Variants in LINGO1 observed in about 807,000 individuals in gnomAD.
LINGO1 encodes leucine rich repeat and Ig domain containing 1.
Under a neutral mutation model 37.3 loss-of-function variants are expected in LINGO1, and 11 were observed. The ratio of observed to expected loss-of-function variants is 0.29; its 90% CI spans 0.19 to 0.49. The LOEUF (loss-of-function observed/expected upper bound fraction) is 0.49. Among genes scored for constraint, LINGO1 ranks in the 20% least tolerant of loss-of-function variants. The pLI, the probability that LINGO1 is intolerant of heterozygous loss-of-function variation, is 0.99. For synonymous variants in LINGO1, 387 were observed against 403.0 expected (o/e 0.96, Z 0.48); for missense variants, 585 against 878.2 (o/e 0.67, Z 4.22).
chr15:77,700,054 A>G (rs1355803273), upstream of LINGO1, among the ~76,000 whole-genome samples: 1 of 152,200 alleles, frequency 6.6e-6, no homozygotes, highest in Non-Finnish European at 1.5e-5. Context: ...CACACACGTT[A>G]GCATTCTCAG....
chr15:77,641,829 A>C (rs752571858), intron 3 of LINGO1: 4 of 455,970 alleles, frequency 8.8e-6, no homozygotes, highest in South Asian at 6.2e-5. Flanking sequence ...CCTGCGACAG[A>C]GGATGTCAGA....
At chr15:77,726,153 G>A (rs1050524135) in intron 2 of LINGO1, among the ~76,000 whole-genome samples, 13 of 152,182 alleles carry the variant, frequency 8.5e-5, no homozygotes, top group African/African-American at 3.1e-4. Context: ...TTCTCCCCCA[G>A]ACCAGTGTCC....
chr15:77,658,113 C>T lies in LINGO1; in HGVS notation c.-13+18976G>A, dbSNP rs192899639. 3.5e-3 allele frequency among the ~76,000 whole-genome samples: 528 copies of T among 152,264 alleles called. 4 individuals carry two copies. Among genetic ancestry groups the T allele is most frequent in the Non-Finnish European group, 2.7e-3 (183 of 68,010 alleles). ...CCCAGAAATGGCCCTCAGGTGACGG[C>T]GGGATGTCTAGGAAGGTGAGGACTG... On this transcript the variant is annotated intron_variant, in intron 3 of 3. Transcript: ENST00000559893.
At chr15:77,727,767 A>G (rs1459830127) in intron 2 of LINGO1, among the ~76,000 whole-genome samples, 1 of 152,050 alleles carries the variant, frequency 6.6e-6, no homozygotes, top group Non-Finnish European at 1.5e-5. Context: ...AGAAAAGGAA[A>G]AAATGAGCTT....
intron 1 of LINGO1, among the ~76,000 whole-genome samples, chr15:77,618,976 A>C (rs1310845779): frequency 6.6e-6 from 1 of 152,140 alleles, no homozygotes; most frequent in Non-Finnish European, 1.5e-5. Flanking sequence ...ACTGACAGAA[A>C]AATTATGCTA....
chr15:77,813,106 G>A (rs1271005632), intron 1 of LINGO1, among the ~76,000 whole-genome samples: 4 of 152,168 alleles, frequency 2.6e-5, no homozygotes, highest in Admixed American at 6.5e-5. Flanking sequence ...AAGACAAACC[G>A]CCCCCAGGCC....
chr15:77,735,695 G>A (rs1216159106), intron 1 of LINGO1, among the ~76,000 whole-genome samples: 1 of 152,190 alleles, frequency 6.6e-6, no homozygotes, highest in African/African-American at 2.4e-5. Flanking sequence ...GGGGGTGGTG[G>A]GGCCTGAGGA....
chr15:77,817,956 C>T (rs1462551178), intron 1 of LINGO1, among the ~76,000 whole-genome samples: 1 of 152,160 alleles, frequency 6.6e-6, no homozygotes, highest in East Asian at 1.9e-4. Context: ...TAGACATTAC[C>T]ATACTCCAGA....
intron 1 of LINGO1, among the ~76,000 whole-genome samples, chr15:77,783,665 CTG>C (rs2076742995): frequency 6.6e-6 from 1 of 152,214 alleles, no homozygotes; most frequent in African/African-American, 2.4e-5. Flanking sequence ...ATAGATGAGA[CTG>C]TATCTCAAAA....
chr15:77,678,137 C>T (rs188475696), intron 2 of LINGO1, among the ~76,000 whole-genome samples: 1 of 152,340 alleles, frequency 6.6e-6, no homozygotes, highest in African/African-American at 2.4e-5. Context: ...TTTGGTTTTC[C>T]TTGTTTCAAT....
chr15:77,642,674 C>A (rs550232114), intron 3 of LINGO1, among the ~76,000 whole-genome samples: 1 of 152,214 alleles, frequency 6.6e-6, no homozygotes, highest in Non-Finnish European at 1.5e-5. Context: ...CCATACCACA[C>A]AGGGAGCAAG....
intron 2 of LINGO1, among the ~76,000 whole-genome samples, chr15:77,690,060 A>G (rs931421052): frequency 7.2e-5 from 11 of 152,296 alleles, no homozygotes; most frequent in African/African-American, 2.6e-4. Context: ...ACATCCATCT[A>G]TGACATCATC....
At chr15:77,711,890 G>GA (rs1251546034) in intron 2 of LINGO1, among the ~76,000 whole-genome samples, 1 of 151,908 alleles carries the variant, frequency 6.6e-6, no homozygotes, top group Non-Finnish European at 1.5e-5. Flanking sequence ...CTGAGGGGGG[G>GA]GCACACAGCG....
At chr15:77,697,785 G>A (rs769868182), upstream of LINGO1, among the ~76,000 whole-genome samples, 1 of 152,144 alleles carries the variant, frequency 6.6e-6, no homozygotes, top group Non-Finnish European at 1.5e-5. Context: ...AGGCTTCCGG[G>A]ATGAAAGGAT....
At chr15:77,624,033 TGTGA>T (rs1390291085) in intron 1 of LINGO1, among the ~76,000 whole-genome samples, 1 of 149,254 alleles carries the variant, frequency 6.7e-6, no homozygotes, top group East Asian at 2.0e-4. Context: ...GTGGTCACTG[TGTGA>T]GTGTGGTGTG....
At chr15:77,676,865 T>G (rs530328486) in intron 3 of LINGO1, among the ~76,000 whole-genome samples, 2 of 152,288 alleles carry the variant, frequency 1.3e-5, no homozygotes, top group South Asian at 4.1e-4. Flanking sequence ...TGAGGAAGAA[T>G]GGCTGAGGCG....
At chr15:77,742,868 A>C (rs1452559500) in intron 1 of LINGO1, among the ~76,000 whole-genome samples, 2 of 152,220 alleles carry the variant, frequency 1.3e-5, no homozygotes, top group Non-Finnish European at 2.9e-5. Context: ...AATTCTCAGC[A>C]GCTAGGTGTG....
intron 1 of LINGO1, among the ~76,000 whole-genome samples, chr15:77,693,895 C>T (rs1236253037): frequency 1.3e-5 from 2 of 152,134 alleles, no homozygotes; most frequent in Admixed American, 6.5e-5. Flanking sequence ...CAAGAAACCT[C>T]GGGGGCCTGA....
chr15:77,706,572 C>T (rs1470179992), intron 2 of LINGO1, among the ~76,000 whole-genome samples: 1 of 152,226 alleles, frequency 6.6e-6, no homozygotes, highest in Non-Finnish European at 1.5e-5. Context: ...CTTCCAGCTC[C>T]TGAACACACC....
Sources: allele counts gnomAD v4.1 joint callset (sites outside exome capture counted in the v4.1 genomes callset), GRCh38; gene constraint gnomAD v4.1.1; transcripts MANE v1.5; gene names NCBI Gene and HGNC (gene_info 2026-07-23, HGNC 2026-07-21).